Variants in OSBP observed in about 807,000 individuals in gnomAD.
OSBP encodes oxysterol binding protein, also known as oxysterol-binding protein 1.
In OSBP, 32 loss-of-function variants were observed where a neutral mutation model predicts 96.6. That is an observed-to-expected ratio of 0.33 (90% CI 0.25 to 0.45). The LOEUF is 0.45. Ranked by LOEUF, OSBP falls within the 20% of genes least tolerant of loss-of-function variation. The pLI is 1.00. For synonymous variants in OSBP, 369 were observed against 389.6 expected, an observed-to-expected ratio of 0.95 and a Z score of 0.62; for missense variants, 653 against 1,029.7, an observed-to-expected ratio of 0.63 and a Z score of 5.01.
chr11:59,580,051 A>ATG, intron 11 of OSBP, 123 bp downstream of exon 11: 1 of 729,966 alleles, frequency 1.4e-6, no homozygotes, highest in Non-Finnish European at 2.4e-6. Context: ...ATGTACACAT[A>ATG]CACTATATAA....
At position 59,615,492 on chromosome 11, in the gene OSBP, G is replaced by A. The variant is rs1860914267; in HGVS notation, c.173C>T (p.Pro58Leu). The change falls in exon 1 of 14, where the codon CCG becomes CTG. Residue 58 changes from proline to leucine, a missense_variant. Around this residue, in one of 6 missense-constraint regions of OSBP, gnomAD observed 151 missense variants for 146.1 expected, o/e 1.03. Transcript: ENST00000263847. ...CGCCACTCCCCCGGCCCCCGGGCCC[G>A]GGCCTCCCGCCGCCGCCGCGACCAC... ...GTVVAAAAGG[P>L]GPGAGGVAAA... The A allele has an allele frequency of 1.2e-5, 15 of 1,214,680 alleles. No homozygotes were observed. The highest frequency in any genetic ancestry group is 1.6e-5 in the African/African-American group (1 of 62,456). The allele number at this position is 1,214,680 out of a possible 1,614,324, so 75.2% of individuals were successfully genotyped here. A position where few individuals can be genotyped will look rare whatever the true frequency, so the allele number is the denominator to read the frequency against.
intron 3 of OSBP, among the ~76,000 whole-genome samples, chr11:59,602,978 G>C (rs1165309475): frequency 1.3e-5 from 2 of 152,046 alleles, no homozygotes; most frequent in Non-Finnish European, 1.5e-5. Context: ...ACTCTACCTA[G>C]AATGTCCATC....
intron 9 of OSBP, among the ~76,000 whole-genome samples, chr11:59,584,210 GTACTAGGAT>G (rs1385788960): frequency 6.6e-6 from 1 of 151,996 alleles, no homozygotes; most frequent in Non-Finnish European, 1.5e-5. Context: ...GCCTCCCAAA[GTACTAGGAT>G]TACAGGCACA....
In OSBP at chr11:59,608,711, C is replaced by T; in HGVS notation, c.595G>A (p.Val199Ile). 1 of 1,614,064 alleles carries T rather than the reference C, an allele frequency of 6.2e-7. No homozygotes were observed. Among genetic ancestry groups the T allele is most frequent in the Non-Finnish European group, 8.5e-7 (1 of 1,179,914 alleles). ...AGCTCAGTCTTGTCAGTTTGTGAGA[C>T]AGACTCTTCATCTCCTGATTCATCT... ...ESDESGDEES[V>I]SQTDKTELQN... Residue 199 changes from valine to isoleucine, a missense_variant, in exon 3 of 14, where the codon GTC becomes ATC. Around this residue, in one of 6 missense-constraint regions of OSBP, gnomAD observed 308 missense variants for 573.1 expected, o/e 0.54. Coordinates refer to ENST00000263847, the MANE Select transcript of OSBP (RefSeq NM_002556.3).
intron 12 of OSBP, 26 bp downstream of exon 12, chr11:59,578,123 T>C: frequency 7.5e-6 from 12 of 1,606,670 alleles, no homozygotes; most frequent in Non-Finnish European, 1.0e-5. Flanking sequence ...AAGTGGTATC[T>C]GGGCAGCATG....
intron 3 of OSBP, among the ~76,000 whole-genome samples, chr11:59,603,584 T>G (rs1054732828): frequency 6.7e-6 from 1 of 149,400 alleles, no homozygotes; most frequent in African/African-American, 2.5e-5. Flanking sequence ...TCACCCAGGT[T>G]GGAGTGCAGT....
At chr11:59,584,873 C>A (rs1860474484) in intron 9 of OSBP, among the ~76,000 whole-genome samples, 1 of 152,124 alleles carries the variant, frequency 6.6e-6, no homozygotes. Flanking sequence ...CAGATATGAT[C>A]TCATATGTGA....
At chr11:59,580,137 T>C (rs1860403802) in intron 11 of OSBP, 37 bp downstream of exon 11, 2 of 1,331,394 alleles carry the variant, frequency 1.5e-6, no homozygotes, top group East Asian at 2.3e-5. Context: ...AAGAGATACA[T>C]GCTACGTGAA....
chr11:59,597,589 GAGTGC>G, intron 7 of OSBP, among the ~76,000 whole-genome samples: 1 of 152,036 alleles, frequency 6.6e-6, no homozygotes, highest in East Asian at 1.9e-4. Context: ...ACCCAGGCTG[GAGTGC>G]AGTGGTGAGA....
intron 7 of OSBP, among the ~76,000 whole-genome samples, chr11:59,594,890 C>T (rs528461002): frequency 6.6e-6 from 1 of 152,062 alleles, no homozygotes; most frequent in African/African-American, 2.4e-5. Flanking sequence ...CAGCTTAAGG[C>T]GACCAAGTAC....
chr11:59,602,468 A>T (rs1049994350), intron 3 of OSBP, among the ~76,000 whole-genome samples: 4 of 152,242 alleles, frequency 2.6e-5, no homozygotes, highest in Non-Finnish European at 5.9e-5. Context: ...AAATATGATT[A>T]TATCAAGTCC....
At chr11:59,606,210 A>T (rs1860778084) in intron 3 of OSBP, among the ~76,000 whole-genome samples, 1 of 152,238 alleles carries the variant, frequency 6.6e-6, no homozygotes. Context: ...AATATCCACT[A>T]GCACAGTTCG....
intron 9 of OSBP, among the ~76,000 whole-genome samples, chr11:59,585,273 C>T (rs577195150): frequency 1.1e-4 from 17 of 151,300 alleles, no homozygotes; most frequent in Admixed American, 6.6e-4. Flanking sequence ...ATGTGGGGAC[C>T]GCCTCTGCCC....
chr11:59,593,986 G>A (rs749003480), intron 8 of OSBP, 24 bp downstream of exon 8: 5 of 1,610,648 alleles, frequency 3.1e-6, no homozygotes, highest in African/African-American at 2.7e-5. Context: ...AAGGAAATGC[G>A]TTATGGTTCT....
At chr11:59,604,097 G>A (rs542865684) in intron 3 of OSBP, among the ~76,000 whole-genome samples, 82 of 152,200 alleles carry the variant, frequency 5.4e-4, no homozygotes, top group African/African-American at 1.9e-3. Context: ...CTATCTAGCT[G>A]TACAAATAAG....
chr11:59,608,782 C>G, intron 2 of OSBP, 48 bp from the exon 3 acceptor site: 1 of 1,583,850 alleles, frequency 6.3e-7, no homozygotes, highest in South Asian at 1.1e-5. Context: ...CCAGGAGTGA[C>G]AGTTGGAACC....
intron 9 of OSBP, among the ~76,000 whole-genome samples, chr11:59,591,547 T>C (rs564912689): frequency 6.6e-6 from 1 of 152,172 alleles, no homozygotes; most frequent in African/African-American, 2.4e-5. Context: ...ATAAATGCTA[T>C]ATAAATAGGT....
In OSBP at chr11:59,593,474, G is replaced by A. The variant is rs570141909; in HGVS notation, c.1678+130C>T. On this transcript the variant is annotated intron_variant, in intron 9 of 13. Coordinates refer to ENST00000263847, the MANE Select transcript of OSBP (RefSeq NM_002556.3). ...CTGAAAAGTTAAATACCTGCCCAAA[G>A]CCAGTTAGTGAGGGTCAGTGCTCGA... The A allele has an allele frequency of 4.8e-5, 47 of 987,020 alleles. No homozygotes were observed. The African/African-American group carries it at 7.3e-4, about 15-fold the overall frequency. 61.1% of individuals were successfully genotyped at this position (987,020 alleles called of 1,614,324 possible).
chr11:59,592,712 T>C lies in OSBP; in HGVS notation c.1678+892A>G, dbSNP rs553183411. ...CTTCTAAGGTATAGGATCTCTAACATTGTATACTAGGATTCCATTCCCAGG... is the reference window on the plus strand; with the variant it reads ...CTTCTAAGGTATAGGATCTCTAACACTGTATACTAGGATTCCATTCCCAGG... On this transcript the variant is annotated intron_variant, in intron 9 of 13. Coordinates refer to ENST00000263847, the MANE Select transcript of OSBP (RefSeq NM_002556.3). 1.5e-4 allele frequency among the ~76,000 whole-genome samples: 23 copies of C among 152,316 alleles called. No individual in the cohort carries two copies. The South Asian group carries it at 3.9e-3, about 26-fold the overall frequency.
Sources: allele counts gnomAD v4.1 joint callset (sites outside exome capture counted in the v4.1 genomes callset), GRCh38; gene constraint gnomAD v4.1.1; regional missense constraint gnomAD v4.1.1; transcripts MANE v1.5; gene names NCBI Gene and HGNC (gene_info 2026-07-23, HGNC 2026-07-21).